Variants in CLSTN2 observed in about 807,000 individuals in gnomAD.
CLSTN2 encodes calsyntenin-2.
CLSTN2 carries 48 observed loss-of-function variants against 101.2 expected under a neutral mutation model. That is an observed-to-expected ratio of 0.47 (90% CI 0.38 to 0.60). CLSTN2 has a LOEUF of 0.60. Ranked by LOEUF, CLSTN2 falls within the 20% of genes least tolerant of loss-of-function variation. The probability of loss-of-function intolerance (pLI) is 0.00; values close to 1 mark genes in which losing one functional copy is unlikely to be tolerated. For synonymous variants in CLSTN2, 481 were observed against 463.6 expected (o/e 1.04, Z -0.48); for missense variants, 1,160 against 1,238.2 (o/e 0.94, Z 0.95).
intron 2 of CLSTN2, among the ~76,000 whole-genome samples, chr3:140,257,467 A>G (rs543722026): frequency 6.6e-6 from 1 of 152,100 alleles, no homozygotes; most frequent in Non-Finnish European, 1.5e-5. Context: ...ACTATTGTTC[A>G]GTTATTTATA....
rs753248370 is a variant in CLSTN2 at position 140,307,472 on chromosome 3, AC to A, written c.233-96156del. 2.4e-4 allele frequency among the ~76,000 whole-genome samples: 37 copies of A among 152,244 alleles called. 1 individual carries two copies. Among genetic ancestry groups the A allele is most frequent in the South Asian group, 4.1e-4 (2 of 4,826 alleles). On this transcript the variant is annotated intron_variant, in intron 2 of 16. Coordinates refer to ENST00000458420, the MANE Select transcript of CLSTN2 (RefSeq NM_022131.3). ...TGTCTCACTGCCTCATTCTACACAA[AC>A]AAAAAAAAGTTTGATCTAATAACCT...
chr3:139,995,357 G>A (rs1008018424), intron 1 of CLSTN2, among the ~76,000 whole-genome samples: 2 of 152,164 alleles, frequency 1.3e-5, no homozygotes, highest in Admixed American at 6.5e-5. Flanking sequence ...ATACGCTATT[G>A]TCTATCCTGA....
rs755243642 is a variant in CLSTN2 at position 140,459,570 on chromosome 3, C to A, written c.1023C>A (p.Thr341=). 1.9e-6 allele frequency: 3 copies of A among 1,614,118 alleles called. No homozygotes were observed. The highest frequency in any genetic ancestry group is 1.1e-5 in the South Asian group (1 of 91,068). ...IDLLPSPSAA[T]NWTAGLLVDS... ...TCTTGCCATCCCCTAGCGCTGCCACCAACTGGACTGCAGGACTGCTGGTGG... is the reference window on the plus strand; with the variant it reads ...TCTTGCCATCCCCTAGCGCTGCCACAAACTGGACTGCAGGACTGCTGGTGG... The change falls in exon 7 of 17, where the codon ACC becomes ACA. Residue 341 remains threonine, a synonymous_variant. Coordinates refer to ENST00000458420, the MANE Select transcript of CLSTN2 (RefSeq NM_022131.3).
intron 1 of CLSTN2, among the ~76,000 whole-genome samples, chr3:140,130,729 C>T (rs1306953595): frequency 6.6e-6 from 1 of 152,104 alleles, no homozygotes; most frequent in East Asian, 1.9e-4. Context: ...CTGAAGGGTC[C>T]TGGAGGCCTT....
intron 2 of CLSTN2, among the ~76,000 whole-genome samples, chr3:140,233,755 G>GT (rs1434856573): frequency 6.6e-6 from 1 of 152,138 alleles, no homozygotes; most frequent in African/African-American, 2.4e-5. Flanking sequence ...CATCCAGCTG[G>GT]TTTTTTAATA....
chr3:140,049,045 C>A (rs1249693356), intron 1 of CLSTN2, among the ~76,000 whole-genome samples: 1 of 152,224 alleles, frequency 6.6e-6, no homozygotes, highest in Non-Finnish European at 1.5e-5. Context: ...CCCATGCAGG[C>A]AGCACTGGCT....
intron 2 of CLSTN2, among the ~76,000 whole-genome samples, chr3:140,370,055 A>G (rs902674223): frequency 1.3e-5 from 2 of 152,172 alleles, no homozygotes; most frequent in African/African-American, 4.8e-5. Context: ...TCACAGAAAA[A>G]CACTCCATTA....
chr3:140,362,878 G>A (rs2087744646), intron 2 of CLSTN2, among the ~76,000 whole-genome samples: 1 of 152,084 alleles, frequency 6.6e-6, no homozygotes, highest in Admixed American at 6.5e-5. Flanking sequence ...CTTGGTGGGG[G>A]TGGAAGAGTA....
intron 1 of CLSTN2, among the ~76,000 whole-genome samples, chr3:140,104,754 A>G (rs2009024186): frequency 6.6e-6 from 1 of 152,226 alleles, no homozygotes; most frequent in Non-Finnish European, 1.5e-5. Flanking sequence ...CGGGCAGATC[A>G]CTTGAGGCCA....
At chr3:140,562,678 A>G in intron 13 of CLSTN2, 133 bp from the exon 14 acceptor site, 2 of 951,498 alleles carry the variant, frequency 2.1e-6, no homozygotes, top group South Asian at 1.7e-5. Context: ...TCTGCCCAAA[A>G]TATCTTGAGC....
At chr3:140,461,984 T>C (rs1666463939) in intron 7 of CLSTN2, among the ~76,000 whole-genome samples, 1 of 91,458 alleles carries the variant, frequency 1.1e-5, no homozygotes, top group South Asian at 3.8e-4. Flanking sequence ...TATGGCTTTT[T>C]TACATCAAAA....
At chr3:140,279,302 A>G (rs1397875753) in intron 2 of CLSTN2, among the ~76,000 whole-genome samples, 1 of 152,200 alleles carries the variant, frequency 6.6e-6, no homozygotes, top group Non-Finnish European at 1.5e-5. Flanking sequence ...TCAGCATCCG[A>G]ATTCAGCACA....
intron 1 of CLSTN2, among the ~76,000 whole-genome samples, chr3:140,173,355 G>A (rs1449769782): frequency 1.3e-5 from 2 of 152,200 alleles, no homozygotes; most frequent in African/African-American, 4.8e-5. Flanking sequence ...ATGGTCTCGG[G>A]AAGCTCCACC....
chr3:140,048,307 A>G (rs543302563), intron 1 of CLSTN2, among the ~76,000 whole-genome samples: 3 of 152,326 alleles, frequency 2.0e-5, no homozygotes, highest in African/African-American at 7.2e-5. Flanking sequence ...AATACAGCCT[A>G]GGTCATAGTT....
At chr3:140,449,398 C>T (rs1933184321) in intron 6 of CLSTN2, 1 of 152,142 alleles carries the variant, frequency 6.6e-6, no homozygotes, top group South Asian at 2.1e-4. Flanking sequence ...TATTCAATGG[C>T]CGTGGAATTG....
chr3:139,993,079 C>T (rs12490438), intron 1 of CLSTN2, among the ~76,000 whole-genome samples: 24,634 of 152,048 alleles, frequency 0.16, 2,606 homozygotes, highest in Admixed American at 0.31. Flanking sequence ...TTAATTGTGC[C>T]TCAATTTCTG....
chr3:139,991,961 C>T (rs557356615), intron 1 of CLSTN2, among the ~76,000 whole-genome samples: 2 of 152,304 alleles, frequency 1.3e-5, no homozygotes, highest in East Asian at 1.9e-4. Flanking sequence ...GCAGCTTTGA[C>T]ATCAGTCTTA....
intron 10 of CLSTN2, among the ~76,000 whole-genome samples, chr3:140,555,203 A>G (rs1257632236): frequency 6.6e-6 from 1 of 152,216 alleles, no homozygotes; most frequent in African/African-American, 2.4e-5. Context: ...TGGTTATTAA[A>G]TCTTCCATAG....
chr3:140,449,140 G>A (rs185896896), intron 6 of CLSTN2, among the ~76,000 whole-genome samples: 8 of 152,260 alleles, frequency 5.3e-5, no homozygotes, highest in African/African-American at 9.6e-5. Context: ...TCCCCAAAGC[G>A]CCAGCTATAT....
Sources: gnomAD v4.1 joint callset for allele counts (sites outside exome capture counted in the v4.1 genomes callset) on GRCh38, gnomAD v4.1.1 for gene constraint, MANE v1.5 for transcripts, NCBI Gene and HGNC (gene_info 2026-07-23, HGNC 2026-07-21) for gene names.